The following LRBA variants were observed in gnomAD, a reference collection of about 807,000 sequenced individuals.
LRBA encodes lipopolysaccharide-responsive and beige-like anchor protein.
A neutral mutation model predicts 330.0 loss-of-function variants in LRBA; 176 were observed. That is an observed-to-expected ratio of 0.53 (90% confidence interval 0.47 to 0.60). The LOEUF (loss-of-function observed/expected upper bound fraction) is 0.60. Ranked by LOEUF, LRBA falls within the 20% of genes least tolerant of loss-of-function variation. The pLI, the probability that LRBA is intolerant of heterozygous loss-of-function variation, is 0.00. For missense variants in LRBA, 3,259 were observed against 3,444.8 expected (o/e 0.95, Z 1.35); for synonymous variants, 1,230 against 1,193.0 (o/e 1.03, Z -0.64).
intron 53 of LRBA, among the ~76,000 whole-genome samples, chr4:150,297,080 A>ATT (rs989186653): frequency 2.0e-5 from 3 of 152,198 alleles, no homozygotes; most frequent in African/African-American, 7.2e-5. Flanking sequence ...GCATGGCACT[A>ATT]TTAAAAAGGT....
At chr4:150,671,870 C>T (rs1782094439) in intron 37 of LRBA, among the ~76,000 whole-genome samples, 2 of 152,116 alleles carry the variant, frequency 1.3e-5, no homozygotes, top group African/African-American at 2.4e-5. Flanking sequence ...TGCCTGAGTA[C>T]AGACAACTGA....
At chr4:150,533,771 C>A (rs1764306272) in intron 40 of LRBA, among the ~76,000 whole-genome samples, 1 of 152,144 alleles carries the variant, frequency 6.6e-6, no homozygotes, top group Non-Finnish European at 1.5e-5. Flanking sequence ...CTTCCTTCCA[C>A]TCAGACATTA....
rs1348071626 is a variant in LRBA at position 150,918,405 on chromosome 4, C to T, written c.646-1667G>A. Among the ~76,000 whole-genome samples the T allele has an allele frequency of 2.6e-5, 4 of 152,246 alleles. No homozygotes were observed. The East Asian group carries it at 7.7e-4, about 29-fold the overall frequency. On this transcript the variant is annotated intron_variant, in intron 5 of 56. Coordinates refer to ENST00000651943, the MANE Select transcript of LRBA (RefSeq NM_001364905.1). ...ATAAAGGAAATGCAAATCAAAACTACAATGAGATATCACTTCATACCAACT... is the reference window on the plus strand; with the variant it reads ...ATAAAGGAAATGCAAATCAAAACTATAATGAGATATCACTTCATACCAACT...
At position 150,828,268 on chromosome 4, in the gene LRBA, C is replaced by T. The variant is rs767444221; in HGVS notation, c.5083G>A (p.Val1695Met). Reference protein sequence around the residue: ...LVNIPADGVTVDPALLPPACL... With the variant: ...LVNIPADGVTMDPALLPPACL... Reference sequence around the variant, plus strand: ...GCTGGTGGCAGAAGGGCAGGATCCACTGTGACTCCATCTGCTGGTATGTTA... The same window carrying T: ...GCTGGTGGCAGAAGGGCAGGATCCATTGTGACTCCATCTGCTGGTATGTTA... Residue 1695 changes from valine to methionine, a missense_variant, in exon 30 of 57, where the codon GTG (valine) becomes ATG (methionine). Physicochemically the swap from Val to Met is conservative, Grantham distance 21. Coordinates refer to ENST00000651943, the MANE Select transcript of LRBA (RefSeq NM_001364905.1). 2 of 1,614,044 alleles carry T rather than the reference C, an allele frequency of 1.2e-6. No homozygotes were observed. Among genetic ancestry groups the T allele is most frequent in the African/African-American group, 1.3e-5 (1 of 74,940 alleles).
chr4:150,880,727 C>T (rs1447222429), intron 17 of LRBA, among the ~76,000 whole-genome samples: 3 of 151,862 alleles, frequency 2.0e-5, no homozygotes, highest in Admixed American at 2.0e-4. Flanking sequence ...CGCTTAGGTA[C>T]AAAGAAACTG....
At chr4:150,413,594 G>A (rs1446456476) in intron 47 of LRBA, among the ~76,000 whole-genome samples, 1 of 152,132 alleles carries the variant, frequency 6.6e-6, no homozygotes, top group African/African-American at 2.4e-5. Context: ...AACAGAGACA[G>A]AATCAGTGAT....
rs756396888 is a variant in LRBA, at chr4:150,906,382, A to G, written c.1517T>C (p.Met506Thr). 2.5e-6 allele frequency: 4 copies of G among 1,608,820 alleles called. No individual in the cohort carries two copies. The Admixed American group carries it at 6.7e-5, about 27-fold the overall frequency. The change falls in exon 12 of 57, where the codon ATG becomes ACG. Residue 506 changes from methionine to threonine, a missense_variant. Met to Thr is a moderately conservative substitution (Grantham distance 81). Coordinates refer to ENST00000651943, the MANE Select transcript of LRBA (RefSeq NM_001364905.1). ...AGCAATTGAGTTCTTCAACAATTCC[A>G]TGATAAAGGCCAGCAAGGTTGAACT... ...TICSTLLAFI[M>T]ELLKNSIAMQ...
intron 47 of LRBA, among the ~76,000 whole-genome samples, chr4:150,404,191 T>C (rs1745870324): frequency 6.6e-6 from 1 of 152,160 alleles, no homozygotes; most frequent in South Asian, 2.1e-4. Flanking sequence ...TGCAATTTAG[T>C]TATGGACATG....
intron 56 of LRBA, among the ~76,000 whole-genome samples, chr4:150,269,739 A>G (rs1450102204): frequency 1.3e-5 from 2 of 152,134 alleles, no homozygotes; most frequent in Non-Finnish European, 2.9e-5. Flanking sequence ...GTTTGAGCCC[A>G]GGAGTTTAAG....
chr4:151,001,615 G>A (rs997335896), intron 2 of LRBA, among the ~76,000 whole-genome samples: 4 of 151,932 alleles, frequency 2.6e-5, no homozygotes, highest in Admixed American at 2.6e-4. Flanking sequence ...AGACTGGCAG[G>A]CCTAGACCAT....
chr4:150,351,043 T>C (rs182792511), intron 47 of LRBA, among the ~76,000 whole-genome samples: 219 of 152,324 alleles, frequency 1.4e-3, no homozygotes, highest in Non-Finnish European at 2.3e-3. Context: ...TGACCAAATA[T>C]TTGATGCTAT....
chr4:150,310,518 G>A (rs1457474934), intron 51 of LRBA, 134 bp from the exon 52 acceptor site: 4 of 543,772 alleles, frequency 7.4e-6, no homozygotes, highest in East Asian at 3.0e-5. Flanking sequence ...TTGAAAAACC[G>A]AGTAGGAAAA....
chr4:150,454,637 A>C (rs1378926014), intron 44 of LRBA, among the ~76,000 whole-genome samples: 1 of 151,924 alleles, frequency 6.6e-6, no homozygotes, highest in Non-Finnish European at 1.5e-5. Flanking sequence ...CTTTTGGTTA[A>C]GTGGATGAGT....
rs113275898 is a variant in LRBA at position 150,459,600 on chromosome 4, T to C, written c.6780+8073A>G. 8.8e-3 allele frequency among the ~76,000 whole-genome samples: 1,339 copies of C among 151,998 alleles called. 18 individuals are homozygous for C. Among genetic ancestry groups the C allele is most frequent in the African/African-American group, 0.031 (1,274 of 41,510 alleles). The stretch of plus-strand genomic sequence containing the variant: ...ATTGAAGGAATTAAATGAAACAGCA[T>C]ATGTAAAATGCCTGTCATAGTGGAA... On this transcript the variant is annotated intron_variant, in intron 44 of 56. Coordinates refer to ENST00000651943, the MANE Select transcript of LRBA (RefSeq NM_001364905.1).
At chr4:150,789,148 C>A (rs1398629233) in intron 34 of LRBA, among the ~76,000 whole-genome samples, 1 of 152,074 alleles carries the variant, frequency 6.6e-6, no homozygotes, top group East Asian at 1.9e-4. Flanking sequence ...TAAAAACCCA[C>A]CTAAGGCATC....
At chr4:150,821,945 A>AGG (rs1745501298) in intron 30 of LRBA, among the ~76,000 whole-genome samples, 1 of 152,188 alleles carries the variant, frequency 6.6e-6, no homozygotes, top group East Asian at 1.9e-4. Flanking sequence ...GAAGTTGATA[A>AGG]TACTTAAGAT....
At chr4:150,914,814 A>G (rs917404579) in intron 8 of LRBA, among the ~76,000 whole-genome samples, 3 of 152,200 alleles carry the variant, frequency 2.0e-5, no homozygotes, top group Admixed American at 6.5e-5. Flanking sequence ...AAAAAGAGCT[A>G]ACATTGAGCA....
chr4:150,668,174 T>C (rs1373059139), intron 37 of LRBA, among the ~76,000 whole-genome samples: 1 of 152,218 alleles, frequency 6.6e-6, no homozygotes, highest in Non-Finnish European at 1.5e-5. Context: ...TAAGCAATTA[T>C]TCTTGTGGAC....
intron 47 of LRBA, among the ~76,000 whole-genome samples, chr4:150,396,506 ACACG>A (rs1744757541): frequency 6.6e-6 from 1 of 151,384 alleles, no homozygotes; most frequent in Admixed American, 6.6e-5. Context: ...ACACACACAC[ACACG>A]TACTCCCAGA....
Sources: gnomAD v4.1 joint callset for allele counts (sites outside exome capture counted in the v4.1 genomes callset) on GRCh38, gnomAD v4.1.1 for gene constraint, MANE v1.5 for transcripts, NCBI Gene and HGNC (gene_info 2026-07-23, HGNC 2026-07-21) for gene names.